The following UGP2 variants were observed in gnomAD, a reference collection of about 807,000 sequenced individuals.
The protein encoded by UGP2 is UTP--glucose-1-phosphate uridylyltransferase.
Under a neutral mutation model 49.0 loss-of-function variants are expected in UGP2, and 40 were observed. That is an observed-to-expected ratio of 0.82 (90% CI 0.63 to 1.06). UGP2 has a LOEUF of 1.06. Among genes scored for constraint, UGP2 ranks in the 50% least tolerant of loss-of-function variants. The probability of loss-of-function intolerance (pLI) is 0.00; values close to 1 mark genes in which losing one functional copy is unlikely to be tolerated. For synonymous variants in UGP2, 225 were observed against 213.0 expected (o/e 1.06, Z -0.49); for missense variants, 460 against 603.5 (o/e 0.76, Z 2.49).
intron 9 of UGP2, 61 bp from the exon 10 acceptor site, chr2:63,891,059 G>GTT (rs1371599493): frequency 3.4e-5 from 48 of 1,431,790 alleles, no homozygotes; most frequent in Non-Finnish European, 3.7e-5. Context: ...CTTGATCACT[G>GTT]TAAGATAATC....
At chr2:63,860,024 C>T (rs1030772159) in intron 3 of UGP2, among the ~76,000 whole-genome samples, 3 of 152,302 alleles carry the variant, frequency 2.0e-5, no homozygotes, top group Admixed American at 6.5e-5. Flanking sequence ...CTAGCCTCCT[C>T]GTCCTACTCT....
intron 9 of UGP2, 144 bp from the exon 10 acceptor site, chr2:63,890,976 A>G (rs923354127): frequency 9.0e-6 from 5 of 553,008 alleles, no homozygotes; most frequent in Admixed American, 3.7e-5. Context: ...CTTAACTGTT[A>G]TTTGTTTTTC....
Position 63,887,419 on chromosome 2 carries a change from G to A in UGP2, c.1089G>A (p.Leu363=), listed in dbSNP as rs147051654. 33,936 of 1,613,974 alleles carry A rather than the reference G, an allele frequency of 0.021. 435 individuals carry two copies. Among genetic ancestry groups the A allele is most frequent in the Non-Finnish European group, 0.022 (26,433 of 1,179,966 alleles). The change falls in exon 8 of 10, where the codon CTG becomes CTA. Residue 363 remains leucine (L), a synonymous_variant. Coordinates refer to ENST00000337130, the MANE Select transcript of UGP2 (RefSeq NM_006759.4). The stretch of plus-strand genomic sequence containing the variant: ...TCTTACAGACTTTGGATGGAGGCCT[G>A]AATGTCATTCAATTAGAAACTGCAG... ...IVNAKTLDGG[L]NVIQLETAVG...
At chr2:63,889,839 C>A in intron 8 of UGP2, 2 of 374,002 alleles carry the variant, frequency 5.3e-6, no homozygotes, top group Non-Finnish European at 9.5e-6. Flanking sequence ...GAAAAAAAAC[C>A]CTTAGATCTG....
chr2:63,886,071 T>C (rs1575855724), intron 6 of UGP2, among the ~76,000 whole-genome samples, 185 bp downstream of exon 6: 4 of 152,340 alleles, frequency 2.6e-5, no homozygotes, highest in Admixed American at 2.6e-4. Context: ...TTTTTTTGGA[T>C]AAGCTACATC....
intron 1 of UGP2, chr2:63,855,520 G>GTTTTTTTTTTTTTTTTTTTCTTTTTT: frequency 5.2e-6 from 1 of 192,240 alleles, no homozygotes; most frequent in South Asian, 4.1e-5. Flanking sequence ...TTCTTTTTCT[G>GTTTTTTTTTTTTTTTTTTTCTTTTTT]TTTTTTTTTT....
At chr2:63,859,898 G>C (rs1669716867) in intron 3 of UGP2, among the ~76,000 whole-genome samples, 1 of 152,186 alleles carries the variant, frequency 6.6e-6, no homozygotes, top group Non-Finnish European at 1.5e-5. Context: ...TGAGTTTCTT[G>C]AGGGCACAAA....
At chr2:63,848,721 C>CTTTGAAAG (rs1402021114) in intron 1 of UGP2, among the ~76,000 whole-genome samples, 5 of 152,196 alleles carry the variant, frequency 3.3e-5, no homozygotes, top group African/African-American at 1.2e-4. Context: ...ATAACAAGTT[C>CTTTGAAAG]TTTGAAAGTT....
At chr2:63,848,494 G>T (rs905182094) in intron 1 of UGP2, among the ~76,000 whole-genome samples, 11 of 152,290 alleles carry the variant, frequency 7.2e-5, no homozygotes, top group Non-Finnish European at 1.2e-4. Context: ...CTCCTGAGTA[G>T]CTGGAATTAT....
chr2:63,861,687 CAAAAAAAA>C (rs34304544), intron 3 of UGP2, among the ~76,000 whole-genome samples: 1 of 91,586 alleles, frequency 1.1e-5, no homozygotes, highest in East Asian at 4.3e-4. Flanking sequence ...GATCCTGTCT[CAAAAAAAA>C]AAAAAAAACA....
At chr2:63,856,236 T>G in intron 1 of UGP2, 70 bp from the exon 2 acceptor site, 1 of 1,558,060 alleles carries the variant, frequency 6.4e-7, no homozygotes. Flanking sequence ...CAGAAATCAG[T>G]TATAGCTTAC....
At chr2:63,880,433 T>C (rs1289378612) in intron 3 of UGP2, among the ~76,000 whole-genome samples, 2 of 152,116 alleles carry the variant, frequency 1.3e-5, no homozygotes, top group Non-Finnish European at 2.9e-5. Context: ...TTGCTGGGAT[T>C]AGAGGTGTGA....
intron 3 of UGP2, among the ~76,000 whole-genome samples, chr2:63,863,800 G>A (rs754122822): frequency 6.6e-6 from 1 of 152,122 alleles, no homozygotes; most frequent in Non-Finnish European, 1.5e-5. Flanking sequence ...GGTCAGAAGT[G>A]AAAATATATG....
intron 1 of UGP2, among the ~76,000 whole-genome samples, chr2:63,852,147 G>A (rs1669085933): frequency 6.6e-6 from 1 of 152,166 alleles, no homozygotes; most frequent in African/African-American, 2.4e-5. Flanking sequence ...GGGCATTGGG[G>A]CAGGGAGTTG....
At chr2:63,843,191 A>C (rs1485216896) in intron 1 of UGP2, among the ~76,000 whole-genome samples, 1 of 152,248 alleles carries the variant, frequency 6.6e-6, no homozygotes, top group East Asian at 1.9e-4. Flanking sequence ...ACATCGCTTT[A>C]TTAACTCTTC....
intron 1 of UGP2, among the ~76,000 whole-genome samples, chr2:63,850,171 C>G (rs4233930): frequency 0.77 from 117,410 of 152,160 alleles, 45,593 homozygotes; most frequent in East Asian, 0.91. Flanking sequence ...AATTGTTAAT[C>G]AGAAGACTGG....
intron 1 of UGP2, among the ~76,000 whole-genome samples, chr2:63,853,688 G>A (rs1025206239): frequency 6.6e-6 from 1 of 152,138 alleles, no homozygotes; most frequent in Non-Finnish European, 1.5e-5. Flanking sequence ...AGGGTATTAT[G>A]TATCCCTCTT....
intron 3 of UGP2, among the ~76,000 whole-genome samples, chr2:63,860,240 T>A (rs930843515): frequency 2.6e-5 from 4 of 152,202 alleles, no homozygotes; most frequent in African/African-American, 9.6e-5. Flanking sequence ...ATATCAAAGG[T>A]GTGACATAAA....
At chr2:63,881,999 T>C (rs1671348888) in intron 3 of UGP2, among the ~76,000 whole-genome samples, 1 of 152,244 alleles carries the variant, frequency 6.6e-6, no homozygotes, top group Non-Finnish European at 1.5e-5. Context: ...TGTGTTTTGG[T>C]ATTTGCCTCC....
Sources: allele counts gnomAD v4.1 joint callset (sites outside exome capture counted in the v4.1 genomes callset), GRCh38; gene constraint gnomAD v4.1.1; transcripts MANE v1.5; gene names NCBI Gene and HGNC (gene_info 2026-07-23, HGNC 2026-07-21).